Variants in UGGT1 observed in about 807,000 individuals in gnomAD.
UGGT1 encodes UDP-glucose:glycoprotein glucosyltransferase 1.
In UGGT1, 107 loss-of-function variants were observed where a neutral mutation model predicts 203.9. The ratio of observed to expected loss-of-function variants is 0.52; its 90% confidence interval spans 0.45 to 0.62. The LOEUF is 0.62. Ranked by LOEUF, UGGT1 falls within the 20% of genes least tolerant of loss-of-function variation. UGGT1 has a pLI of 0.00. For missense variants in UGGT1, 1,673 were observed against 1,867.2 expected, an observed-to-expected ratio of 0.90 and a Z score of 1.92; for synonymous variants, 628 against 653.5, an observed-to-expected ratio of 0.96 and a Z score of 0.59.
Position 128,152,870 on chromosome 2 carries a change from A to C in UGGT1, c.2103A>C (p.Thr701=), listed in dbSNP as rs1205089459. The C allele has an allele frequency of 1.2e-6, 2 of 1,613,976 alleles. No individual in the cohort carries two copies. Among genetic ancestry groups the C allele is most frequent in the African/African-American group, 2.7e-5 (2 of 74,902 alleles). ...CACGAATCAATTCTAGGATTTTGAC[A>C]GCTGAACGAGACTACCTGGATTTAA... is the stretch of plus-strand genomic sequence containing the variant. The part of the protein sequence containing the change: ...VVPRINSRIL[T]AERDYLDLTA... The change falls in exon 19 of 41, where the codon ACA becomes ACC. Residue 701 remains threonine, a synonymous_variant. Transcript: ENST00000259253.
intron 21 of UGGT1, 119 bp downstream of exon 21, chr2:128,156,534 G>A: frequency 1.4e-6 from 1 of 721,460 alleles, no homozygotes; most frequent in Non-Finnish European, 2.3e-6. Flanking sequence ...TGGGTAACAG[G>A]AAGCTATATC....
chr2:128,168,359 A>C (rs1028819045), intron 26 of UGGT1, among the ~76,000 whole-genome samples: 6 of 152,220 alleles, frequency 3.9e-5, no homozygotes, highest in Non-Finnish European at 8.8e-5. Context: ...GATCGAAAGC[A>C]CCTACCTCAA....
In UGGT1 at chr2:128,187,589, G is replaced by A. The variant is rs1296897233; in HGVS notation, c.4617G>A (p.Glu1539=). 2.5e-6 allele frequency: 4 copies of A among 1,613,222 alleles called. No homozygotes were observed. Among genetic ancestry groups the A allele is most frequent in the Non-Finnish European group, 2.5e-6 (3 of 1,179,598 alleles). ...AAGAAACGGGAGCACTGTACAAAGA[G>A]AAGACAAAAGAACCAAGCCGAGAAG... is the stretch of plus-strand genomic sequence containing the variant. ...KEKETGALYK[E]KTKEPSREGP... is the part of the protein sequence containing the mutation. The change falls in exon 40 of 41, where the codon GAG becomes GAA. Residue 1539 remains glutamate (E), a synonymous_variant. Coordinates refer to ENST00000259253, the MANE Select transcript of UGGT1 (RefSeq NM_020120.4).
chr2:128,164,631 C>T, intron 25 of UGGT1, 99 bp from the exon 26 acceptor site: 1 of 961,268 alleles, frequency 1.0e-6, no homozygotes, highest in Non-Finnish European at 1.6e-6. Flanking sequence ...TTCAAACCAT[C>T]TTGTTAGAAT....
intron 34 of UGGT1, among the ~76,000 whole-genome samples, 170 bp from the exon 35 acceptor site, chr2:128,179,616 A>G (rs1558825296): frequency 6.6e-6 from 1 of 152,224 alleles, no homozygotes; most frequent in Non-Finnish European, 1.5e-5. Flanking sequence ...CATAAGTTGG[A>G]GTAAGTACAA....
chr2:128,143,293 G>T, intron 17 of UGGT1, 68 bp downstream of exon 17: 1 of 1,466,802 alleles, frequency 6.8e-7, no homozygotes, highest in Non-Finnish European at 9.1e-7. Flanking sequence ...GTGTTTGGGG[G>T]CTTTGGTTAA....
intron 33 of UGGT1, 113 bp downstream of exon 33, chr2:128,178,033 G>C: frequency 2.3e-6 from 2 of 870,758 alleles, no homozygotes; most frequent in Non-Finnish European, 3.5e-6. Context: ...ATTCTACTTT[G>C]TGCAGCTACA....
At chr2:128,178,121 A>G (rs1000902165) in intron 33 of UGGT1, among the ~76,000 whole-genome samples, 5 of 152,190 alleles carry the variant, frequency 3.3e-5, no homozygotes, top group African/African-American at 1.2e-4. Context: ...CTAGTGGGGA[A>G]GTTACTTCTG....
At chr2:128,105,240 GT>G (rs1687552025) in intron 3 of UGGT1, among the ~76,000 whole-genome samples, 2 of 147,332 alleles carry the variant, frequency 1.4e-5, no homozygotes, top group African/African-American at 5.3e-5. Context: ...TTTAAAAATT[GT>G]CTGAATCTTT....
rs902617662 is a variant in UGGT1, at chr2:128,192,262, G to T, written c.*2520G>T. On this transcript the variant is annotated 3_prime_UTR_variant, in exon 41 of 41. Transcript: ENST00000259253. ...AATGGCCTAGGACCCTCCTCCTCCT[G>T]CCAGTTTTTTTTTTTTTTTTTGGTT... is the stretch of plus-strand genomic sequence containing the variant. 1 of 142,222 alleles carries T rather than the reference G, an allele frequency of 7.0e-6. No homozygotes were observed. The highest frequency in any genetic ancestry group is 2.8e-5 in the African/African-American group (1 of 36,312). The allele number at this position is 142,222 out of a possible 1,614,324, so 8.8% of individuals were successfully genotyped here.
intron 3 of UGGT1, among the ~76,000 whole-genome samples, chr2:128,106,463 C>G (rs1030023744): frequency 2.0e-5 from 3 of 152,112 alleles, no homozygotes; most frequent in Non-Finnish European, 4.4e-5. Context: ...TATTTCTTAT[C>G]TAGTTTTACG....
intron 2 of UGGT1, among the ~76,000 whole-genome samples, chr2:128,102,522 G>A (rs778390051): frequency 2.6e-5 from 4 of 152,022 alleles, no homozygotes; most frequent in Admixed American, 6.6e-5. Context: ...AAAATATGCT[G>A]TAAAAAAAGG....
intron 12 of UGGT1, among the ~76,000 whole-genome samples, chr2:128,127,743 T>C (rs897151428): frequency 1.3e-5 from 2 of 152,212 alleles, no homozygotes; most frequent in African/African-American, 2.4e-5. Context: ...ACAGGTTCTT[T>C]GGCTTTTGGA....
intron 2 of UGGT1, 105 bp from the exon 3 acceptor site, chr2:128,103,827 C>T: frequency 1.5e-6 from 1 of 676,062 alleles, no homozygotes; most frequent in Non-Finnish European, 2.4e-6. Context: ...AAAAGTCAAA[C>T]TATGGACATT....
At chr2:128,126,835 A>G (rs1436523638) in intron 11 of UGGT1, among the ~76,000 whole-genome samples, 1 of 151,544 alleles carries the variant, frequency 6.6e-6, no homozygotes, top group Non-Finnish European at 1.5e-5. Flanking sequence ...GGAGTACACC[A>G]CCATAGCTGG....
At chr2:128,099,837 A>AT (rs2105337841) in intron 2 of UGGT1, among the ~76,000 whole-genome samples, 1 of 152,280 alleles carries the variant, frequency 6.6e-6, no homozygotes, top group African/African-American at 2.4e-5. Context: ...AGTTCTTATT[A>AT]TGGGGGAAAA....
Position 128,154,064 on chromosome 2 carries a change from C to T in UGGT1, c.2137+1160C>T, listed in dbSNP as rs772225485. Among the ~76,000 whole-genome samples, 425 of 138,362 alleles carry T rather than the reference C, an allele frequency of 3.1e-3. 2 individuals are homozygous for T. Among genetic ancestry groups the T allele is most frequent in the Non-Finnish European group, 4.9e-3 (298 of 61,182 alleles). 90.8% of individuals were successfully genotyped at this position (138,362 alleles called of 152,430 possible). On this transcript the variant is annotated intron_variant, in intron 19 of 40. Coordinates refer to ENST00000259253, the MANE Select transcript of UGGT1 (RefSeq NM_020120.4). The stretch of plus-strand genomic sequence containing the variant: ...GAGGAAAAATACATGTATATATACA[C>T]ACACACACACACACACACACACTCC...
At chr2:128,164,594 G>A (rs1052529792) in intron 25 of UGGT1, 136 bp from the exon 26 acceptor site, 1 of 653,122 alleles carries the variant, frequency 1.5e-6, no homozygotes, top group Non-Finnish European at 2.7e-6. Flanking sequence ...TCTTTCTCAT[G>A]CCTATCAGTA....
At chr2:128,109,484 A>G in intron 4 of UGGT1, 150 bp from the exon 5 acceptor site, 1 of 645,348 alleles carries the variant, frequency 1.5e-6, no homozygotes, top group East Asian at 2.8e-5. Context: ...GGTCTCCCAA[A>G]GTGCTGGGAT....
Sources: gnomAD v4.1 joint callset for allele counts (sites outside exome capture counted in the v4.1 genomes callset) on GRCh38, gnomAD v4.1.1 for gene constraint, MANE v1.5 for transcripts, NCBI Gene and HGNC (gene_info 2026-07-23, HGNC 2026-07-21) for gene names.